The following ZNF789 variants were observed in gnomAD, a reference collection of about 807,000 sequenced individuals.
ZNF789 encodes the protein zinc finger protein 789.
Under a neutral mutation model 15.6 loss-of-function variants are expected in ZNF789, and 11 were observed. The observed-to-expected ratio is 0.70, with a 90% confidence interval of 0.44 to 1.16. The LOEUF (loss-of-function observed/expected upper bound fraction) is 1.16. Ranked by LOEUF, ZNF789 falls within the 50% of genes most tolerant of loss-of-function variation. The pLI is 0.00. For missense variants in ZNF789, 461 were observed against 512.6 expected, an observed-to-expected ratio of 0.90 and a Z score of 0.97; for synonymous variants, 159 against 176.0, an observed-to-expected ratio of 0.90 and a Z score of 0.76.
At position 99,476,397 on chromosome 7, in the gene ZNF789, C is replaced by T. The variant is rs890386799; in HGVS notation, c.-54-6C>T. 3 of 1,587,028 alleles carry T rather than the reference C, an allele frequency of 1.9e-6. No homozygotes were observed. Among genetic ancestry groups the T allele is most frequent in the African/African-American group, 1.4e-5 (1 of 73,380 alleles). On this transcript the variant is annotated splice_region_variant and splice_polypyrimidine_tract_variant and intron_variant, in intron 1 of 4. Coordinates refer to ENST00000331410, the MANE Select transcript of ZNF789 (RefSeq NM_213603.3). ...GCTGGCCTTACTGACTTTTTTTCTTCTCCAGCTCAGCCAGACGTCCAGGAT... is the reference window on the plus strand; with the variant it reads ...GCTGGCCTTACTGACTTTTTTTCTTTTCCAGCTCAGCCAGACGTCCAGGAT...
Position 99,486,850 on chromosome 7 carries a change from G to T in ZNF789, c.640G>T (p.Ala214Ser). Residue 214 changes from alanine (A) to serine (S), a missense_variant, in exon 5 of 5, where the codon GCA (alanine) becomes TCA (serine). Coordinates refer to ENST00000331410, the MANE Select transcript of ZNF789 (RefSeq NM_213603.3). ...ATGTGGAAAAGTCATTAGGCGTAAGGCATGGTTTGATCAACATCAAAGAAT... is the reference window on the plus strand; with the variant it reads ...ATGTGGAAAAGTCATTAGGCGTAAGTCATGGTTTGATCAACATCAAAGAAT... ...SECGKVIRRK[A>S]WFDQHQRIHF... The T allele has an allele frequency of 6.2e-7, 1 of 1,614,164 alleles. No individual in the cohort carries two copies. Among genetic ancestry groups the T allele is most frequent in the Non-Finnish European group, 8.5e-7 (1 of 1,180,042 alleles).
intron 2 of ZNF789, 103 bp from the exon 3 acceptor site, chr7:99,479,557 GC>G: frequency 1.4e-6 from 2 of 1,391,616 alleles, no homozygotes; most frequent in Non-Finnish European, 1.9e-6. Context: ...GGTGCCCTTG[GC>G]CCACACTCTA....
At chr7:99,477,891 T>G (rs1457092227) in intron 2 of ZNF789, among the ~76,000 whole-genome samples, 1 of 152,184 alleles carries the variant, frequency 6.6e-6, no homozygotes, top group Non-Finnish European at 1.5e-5. Flanking sequence ...GAGGTTGCAG[T>G]GAGCCGAGAT....
chr7:99,486,783 T>C lies in ZNF789; in HGVS notation c.573T>C (p.His191=), dbSNP rs1399578180. The C allele has an allele frequency of 4.3e-6, 7 of 1,614,110 alleles. No individual in the cohort carries two copies. The highest frequency in any genetic ancestry group is 2.2e-5 in the East Asian group (1 of 44,894). The part of the protein sequence containing the change: ...PFNQRSLLLG[H]ERILTRAKSY... ...ATCAAAGATCTTTGCTTTTGGGGCATGAGCGAATTCTCACAAGAGCAAAGT... is the reference window on the plus strand; with the variant it reads ...ATCAAAGATCTTTGCTTTTGGGGCACGAGCGAATTCTCACAAGAGCAAAGT... The change falls in exon 5 of 5, where the codon CAT becomes CAC. Residue 191 remains histidine (H), a synonymous_variant. Coordinates refer to ENST00000331410, the MANE Select transcript of ZNF789 (RefSeq NM_213603.3).
chr7:99,485,912 C>T (rs77996335), intron 4 of ZNF789, among the ~76,000 whole-genome samples: 2,673 of 152,258 alleles, frequency 0.018, 76 homozygotes, highest in African/African-American at 0.06. Context: ...TTTCTAATAA[C>T]GATGATGGGC....
In ZNF789 at chr7:99,486,758, A is replaced by G. The variant is rs949998518; in HGVS notation, c.548A>G (p.Asn183Ser). The G allele has an allele frequency of 1.9e-6, 3 of 1,614,248 alleles. No homozygotes were observed. The Admixed American group carries it at 5.0e-5, about 27-fold the overall frequency. The stretch of plus-strand genomic sequence containing the variant: ...TATGATGAGGATGGCAAACCCTTCA[A>G]TCAAAGATCTTTGCTTTTGGGGCAT... Reference protein sequence around the residue: ...GRYDEDGKPFNQRSLLLGHER... With the variant: ...GRYDEDGKPFSQRSLLLGHER... Residue 183 changes from asparagine to serine, a missense_variant, in exon 5 of 5, where the codon AAT becomes AGT. Coordinates refer to ENST00000331410, the MANE Select transcript of ZNF789 (RefSeq NM_213603.3).
At chr7:99,474,530 C>G (rs1294238837) in intron 1 of ZNF789, among the ~76,000 whole-genome samples, 3 of 151,438 alleles carry the variant, frequency 2.0e-5, no homozygotes, top group African/African-American at 2.4e-5. Context: ...GGAGGCGGAG[C>G]TTGCAGTGAG....
At chr7:99,478,943 C>T (rs991707095) in intron 2 of ZNF789, 2 of 154,128 alleles carry the variant, frequency 1.3e-5, no homozygotes, top group Admixed American at 6.4e-5. Flanking sequence ...TCCCTCCCCA[C>T]TGGGCTGTGG....
intron 4 of ZNF789, chr7:99,485,135 T>G: frequency 6.6e-7 from 1 of 1,514,916 alleles, no homozygotes. Context: ...TTCCCTTGCT[T>G]TGTTTTGTTT....
chr7:99,486,944 C>G lies in ZNF789; in HGVS notation c.734C>G (p.Thr245Arg), dbSNP rs149550046. The G allele has an allele frequency of 2.5e-6, 4 of 1,613,988 alleles. No individual in the cohort carries two copies. The African/African-American group carries it at 4.0e-5, about 16-fold the overall frequency. ...GCCTTCAGACAGCGGTCAGCTCTTA[C>G]GGTCCATAAACAGTGTCACCTGCAA... Reference protein sequence around the residue: ...GQAFRQRSALTVHKQCHLQNK... With the variant: ...GQAFRQRSALRVHKQCHLQNK... The change falls in exon 5 of 5, where the codon ACG becomes AGG. Residue 245 changes from threonine (T) to arginine (R), a missense_variant. Thr to Arg is a moderately conservative substitution (Grantham distance 71, BLOSUM62 -1). Transcript: ENST00000331410.
intron 1 of ZNF789, chr7:99,476,178 G>C (rs1799324647): frequency 2.2e-6 from 1 of 456,216 alleles, no homozygotes. Flanking sequence ...GTTCTAGGGA[G>C]AAGGGGAGGG....
rs779145089 is a variant in ZNF789, at chr7:99,487,181, G to T, written c.971G>T (p.Arg324Leu). ...CTTGAGTGTGGAAAAGCCTTTGGCC[G>T]GCATTCAACCCTTCTATGTCATCAA... Reference protein sequence around the residue: ...KCLECGKAFGRHSTLLCHQQI... With the variant: ...KCLECGKAFGLHSTLLCHQQI... Residue 324 changes from arginine (R) to leucine (L), a missense_variant, in exon 5 of 5, where the codon CGG becomes CTG. Arg to Leu is a moderately radical substitution (Grantham distance 102). Transcript: ENST00000331410. 1 of 1,614,054 alleles carries T rather than the reference G, an allele frequency of 6.2e-7. No individual in the cohort carries two copies.
At position 99,486,823 on chromosome 7, in the gene ZNF789, G is replaced by C; in HGVS notation, c.613G>C (p.Glu205Gln). The change falls in exon 5 of 5, where the codon GAA becomes CAA. Residue 205 changes from glutamate to glutamine, a missense_variant. Transcript: ENST00000331410. The part of the protein sequence containing the change: ...LTRAKSYECS[E>Q]CGKVIRRKAW... ...AAGAGCAAAGTCTTATGAATGCAGTGAATGTGGAAAAGTCATTAGGCGTAA... is the reference window on the plus strand; with the variant it reads ...AAGAGCAAAGTCTTATGAATGCAGTCAATGTGGAAAAGTCATTAGGCGTAA... 1 of 1,614,224 alleles carries C rather than the reference G, an allele frequency of 6.2e-7. No homozygotes were observed. Among genetic ancestry groups the C allele is most frequent in the Non-Finnish European group, 8.5e-7 (1 of 1,180,038 alleles).
At chr7:99,486,411 C>G (rs1584574614) in intron 4 of ZNF789, 65 bp from the exon 5 acceptor site, 1 of 1,456,104 alleles carries the variant, frequency 6.9e-7, no homozygotes, top group Non-Finnish European at 9.2e-7. Context: ...TAACAGTTGC[C>G]TTCTCTTCCT....
At chr7:99,484,354 GGT>G (rs1799803029) in intron 4 of ZNF789, among the ~76,000 whole-genome samples, 1 of 152,208 alleles carries the variant, frequency 6.6e-6, no homozygotes, top group African/African-American at 2.4e-5. Flanking sequence ...GGCTGGACGC[GGT>G]GGCGCATTCC....
chr7:99,486,962 A>G lies in ZNF789; in HGVS notation c.752A>G (p.His251Arg). The change falls in exon 5 of 5, where the codon CAC becomes CGC. Residue 251 changes from histidine (H) to arginine (R), a missense_variant. By Grantham distance (29) the His-to-Arg change is conservative. Coordinates refer to ENST00000331410, the MANE Select transcript of ZNF789 (RefSeq NM_213603.3). ...RSALTVHKQC[H>R]LQNKPYRCHD... ...GCTCTTACGGTCCATAAACAGTGTC[A>G]CCTGCAAAACAAGCCATACAGATGT... 1 of 1,614,204 alleles carries G rather than the reference A, an allele frequency of 6.2e-7. No individual in the cohort carries two copies. Among genetic ancestry groups the G allele is most frequent in the Non-Finnish European group, 8.5e-7 (1 of 1,180,042 alleles).
intron 4 of ZNF789, among the ~76,000 whole-genome samples, chr7:99,484,796 G>A (rs1252226275): frequency 6.6e-6 from 1 of 152,078 alleles, no homozygotes; most frequent in Non-Finnish European, 1.5e-5. Context: ...GGGTGTGGTG[G>A]CGCATGCCTG....
At chr7:99,482,273 C>T (rs1285589131) in intron 3 of ZNF789, 4 of 778,164 alleles carry the variant, frequency 5.1e-6, no homozygotes, top group Non-Finnish European at 9.6e-6. Flanking sequence ...TGACCACAGC[C>T]AAAGGTATGA....
chr7:99,487,151 A>T lies in ZNF789; in HGVS notation c.941A>T (p.Lys314Ile). 4 of 1,614,162 alleles carry T rather than the reference A, an allele frequency of 2.5e-6. No homozygotes were observed. Among genetic ancestry groups the T allele is most frequent in the Non-Finnish European group, 3.4e-6 (4 of 1,180,038 alleles). ...QVIHSGEKRHKCLECGKAFGR... is the reference protein window; with the variant it reads ...QVIHSGEKRHICLECGKAFGR... ...ATCCATAGTGGAGAAAAACGCCATAAATGCCTTGAGTGTGGAAAAGCCTTT... is the reference window on the plus strand; with the variant it reads ...ATCCATAGTGGAGAAAAACGCCATATATGCCTTGAGTGTGGAAAAGCCTTT... Residue 314 changes from lysine (K) to isoleucine (I), a missense_variant, in exon 5 of 5, where the codon AAA (lysine) becomes ATA (isoleucine). Physicochemically the swap from Lys to Ile is moderately radical, Grantham distance 102 (BLOSUM62 -3). Coordinates refer to ENST00000331410, the MANE Select transcript of ZNF789 (RefSeq NM_213603.3).
Sources: allele counts gnomAD v4.1 joint callset (sites outside exome capture counted in the v4.1 genomes callset), GRCh38; gene constraint gnomAD v4.1.1; transcripts MANE v1.5; gene names NCBI Gene and HGNC (gene_info 2026-07-23, HGNC 2026-07-21).